Variants in ATG9B observed in about 807,000 individuals in gnomAD.
ATG9B encodes the protein autophagy-related protein 9B.
A neutral mutation model predicts 92.9 loss-of-function variants in ATG9B; 92 were observed. The ratio of observed to expected loss-of-function variants is 0.99; its 90% CI spans 0.84 to 1.18. The LOEUF is 1.18. Ranked by LOEUF, ATG9B falls within the 50% of genes most tolerant of loss-of-function variation. ATG9B has a pLI of 0.00. For synonymous variants in ATG9B, 599 were observed against 551.4 expected (o/e 1.09, Z -1.21); for missense variants, 1,344 against 1,235.0 (o/e 1.09, Z -1.32).
In ATG9B at chr7:151,019,297, C is replaced by A. The variant is rs1406520020; in HGVS notation, c.1041G>T (p.Val347=). The part of the protein sequence containing the change: ...LALQRSGGLC[V]QPRPLTELDI... ...CCAGCTCCGTCAGGGGCCGCGGCTG[C>A]ACGCACAGGCCCCCGCTCCGCTGCA... is the stretch of plus-strand genomic sequence containing the variant. The change falls in exon 6 of 14, where the codon GTG becomes GTT. Residue 347 remains valine (V), a synonymous_variant. Transcript: ENST00000639579. The A allele has an allele frequency of 1.3e-6, 2 of 1,589,374 alleles. No homozygotes were observed.
In ATG9B at chr7:151,018,618, A is replaced by T; in HGVS notation, c.1718+2T>A. 6.2e-7 allele frequency: 1 copy of T among 1,601,378 alleles called. No homozygotes were observed. On this transcript the variant is annotated splice_donor_variant, in intron 6 of 13. Coordinates refer to ENST00000639579, the MANE Select transcript of ATG9B (RefSeq NM_001317056.2). LOFTEE classifies it high-confidence loss of function. The surrounding 1 kb of genome is among the most constrained non-coding windows in gnomAD (Gnocchi z 4.7). ...CACCACCCCGGGCATCTGCCGTCGC[A>T]CCTGGCGACGGTGGCGGTGACCCCG...
chr7:151,015,975 G>GA lies in ATG9B; in HGVS notation c.2695_2696insT (p.Ala899ValfsTer20), dbSNP rs1795464143. ...AAACCCTCCGGGGAACAGATTCCGG[G>GA]CCTTCTGGGTTCCCCACTGTTGTCT... On this transcript the variant is annotated frameshift_variant, in exon 13 of 14. Transcript: ENST00000639579. LOFTEE classifies it high-confidence loss of function. 1 of 1,551,524 alleles carries GA rather than the reference G, an allele frequency of 6.4e-7. No homozygotes were observed. Among genetic ancestry groups the GA allele is most frequent in the African/African-American group, 1.4e-5 (1 of 73,048 alleles).
At position 151,018,470 on chromosome 7, in the gene ATG9B, G is replaced by T; in HGVS notation, c.1719-23C>A. On this transcript the variant is annotated intron_variant, in intron 6 of 13. Coordinates refer to ENST00000639579, the MANE Select transcript of ATG9B (RefSeq NM_001317056.2). This position sits in a 1 kb window ranked among gnomAD's most constrained non-coding sequence, Gnocchi z 4.7. ...GACCTGAAAGGCGGGATCCGTGGGGGGAAGGGGCCTGCGATTAGGAGGACG... is the reference window on the plus strand; with the variant it reads ...GACCTGAAAGGCGGGATCCGTGGGGTGAAGGGGCCTGCGATTAGGAGGACG... 1 of 1,521,158 alleles carries T rather than the reference G, an allele frequency of 6.6e-7. No individual in the cohort carries two copies. The allele number at this position is 1,521,158 out of a possible 1,614,324, so 94.2% of individuals were successfully genotyped here.
intron 4 of ATG9B, among the ~76,000 whole-genome samples, chr7:151,021,928 T>C (rs925292470): frequency 1.3e-5 from 2 of 151,322 alleles, no homozygotes; most frequent in Admixed American, 6.6e-5. Flanking sequence ...AGATTACAGG[T>C]GTGAGCCACC....
At chr7:151,013,148 G>A, downstream of ATG9B, 3 of 1,473,728 alleles carry the variant, frequency 2.0e-6, no homozygotes, top group Non-Finnish European at 2.8e-6. Flanking sequence ...GGGCTGCCAG[G>A]CTGGGCGACG....
downstream of ATG9B, chr7:151,013,870 GGGCGACATGGAGCTGGACGAGGCC>G (rs1280950763): frequency 3.7e-6 from 6 of 1,603,228 alleles, no homozygotes; most frequent in African/African-American, 4.0e-5. Context: ...TGGCGACGGA[GGGCGACATGGAGCTGGACGAGGCC>G]GGCGACGTCA....
chr7:151,022,941 T>G, intron 4 of ATG9B, 104 bp downstream of exon 4: 3 of 1,479,084 alleles, frequency 2.0e-6, no homozygotes, highest in Non-Finnish European at 2.8e-6. Flanking sequence ...ACCAAAAGCT[T>G]TGAGAACTGC....
downstream of ATG9B, chr7:151,012,796 T>C (rs1384365960): frequency 3.0e-6 from 1 of 334,420 alleles, no homozygotes; most frequent in Non-Finnish European, 5.6e-6. Context: ...GACCGAGGTC[T>C]GTCCAAGACC....
rs1379926933 is a variant in ATG9B, at chr7:151,019,319, T to C, written c.1019A>G (p.Gln340Arg). The C allele has an allele frequency of 6.3e-7, 1 of 1,575,890 alleles. No individual in the cohort carries two copies. The highest frequency in any genetic ancestry group is 1.7e-5 in the Admixed American group (1 of 57,640). The change falls in exon 6 of 14, where the codon CAG becomes CGG. Residue 340 changes from glutamine (Q) to arginine (R), a missense_variant. Transcript: ENST00000639579. ...AEVQSRLLAL[Q>R]RSGGLCVQPR... is the part of the protein sequence containing the mutation. Reference sequence around the variant, plus strand: ...CTGCACGCACAGGCCCCCGCTCCGCTGCAGTGCCAAGAGGCGGGACTGCAC... The same window carrying C: ...CTGCACGCACAGGCCCCCGCTCCGCCGCAGTGCCAAGAGGCGGGACTGCAC...
Position 151,023,338 on chromosome 7 carries a change from C to T in ATG9B, c.659+107G>A, listed in dbSNP as rs953583874. 10 of 1,596,622 alleles carry T rather than the reference C, an allele frequency of 6.3e-6. No homozygotes were observed. The East Asian group carries it at 1.1e-4, about 18-fold the overall frequency. On this transcript the variant is annotated intron_variant, in intron 3 of 13. Transcript: ENST00000639579. ...GCCCCTGCTGAGCCCTTGGGCTGCTCGGGAAAGCATGGGATGGAAGCAGCT... is the reference window on the plus strand; with the variant it reads ...GCCCCTGCTGAGCCCTTGGGCTGCTTGGGAAAGCATGGGATGGAAGCAGCT...
In ATG9B at chr7:151,024,283, C is replaced by G; in HGVS notation, c.141G>C (p.Arg47Ser). 7.0e-7 allele frequency: 1 copy of G among 1,425,496 alleles called. No homozygotes were observed. The allele number at this position is 1,425,496 out of a possible 1,614,324, so 88.3% of individuals were successfully genotyped here. ...PPSCRGPGGG[R>S]ISIFSLSPAP... ...CAGGGGACAGAGAGAAGATGGAGAT[C>G]CTCCCTCCCCCAGGTCCCCGGCATG... The change falls in exon 1 of 14, where the codon AGG (arginine) becomes AGC (serine). Residue 47 changes from arginine to serine, a missense_variant. Arg to Ser is a moderately radical substitution (Grantham distance 110, BLOSUM62 -1). Transcript: ENST00000639579.
In ATG9B at chr7:151,016,772, C is replaced by G; in HGVS notation, c.2339G>C (p.Arg780Thr). The G allele has an allele frequency of 6.2e-7, 1 of 1,612,844 alleles. No homozygotes were observed. The highest frequency in any genetic ancestry group is 8.5e-7 in the Non-Finnish European group (1 of 1,179,650). Residue 780 changes from arginine to threonine, a missense_variant, in exon 10 of 14, where the codon AGA becomes ACA. Transcript: ENST00000639579. ...NLFVHPLLPP[R>T]DLSPTAPCPA... ...ACAGGGGGCTGTCGGGCTCAGATCT[C>G]TCGGAGGCAGGAGAGGGTGCACGAA...
Position 151,019,368 on chromosome 7 carries a change from G to T in ATG9B, c.970C>A (p.Leu324Met). ...REALHIPPEELSSVPWAEVQS... is the reference protein window; with the variant it reads ...REALHIPPEEMSSVPWAEVQS... Reference sequence around the variant, plus strand: ...ACCTCTGCCCAGGGAACCGAGCTCAGCTCCTCCTGAAAGGGGCACTGATGA... The same window carrying T: ...ACCTCTGCCCAGGGAACCGAGCTCATCTCCTCCTGAAAGGGGCACTGATGA... The change falls in exon 6 of 14, where the codon CTG becomes ATG. Residue 324 changes from leucine (L) to methionine (M), a missense_variant. Transcript: ENST00000639579. 6.6e-7 allele frequency: 1 copy of T among 1,518,906 alleles called. No homozygotes were observed. The highest frequency in any genetic ancestry group is 1.4e-5 in the African/African-American group (1 of 72,306). The allele number at this position is 1,518,906 out of a possible 1,614,324, so 94.1% of individuals were successfully genotyped here. A position where few individuals can be genotyped will look rare whatever the true frequency, so the allele number is the denominator to read the frequency against.
Position 151,016,253 on chromosome 7 carries a change from G to A in ATG9B, c.2521-18C>T. The A allele has an allele frequency of 6.7e-7, 1 of 1,485,898 alleles. No homozygotes were observed. The highest frequency in any genetic ancestry group is 1.4e-5 in the African/African-American group (1 of 71,336). 92.0% of individuals were successfully genotyped at this position (1,485,898 alleles called of 1,614,324 possible). A position where few individuals can be genotyped will look rare whatever the true frequency, so the allele number is the denominator to read the frequency against. On this transcript the variant is annotated intron_variant, in intron 11 of 13. Transcript: ENST00000639579. ...TGGTGAAGCTGCATGGAAAGGAGGA[G>A]GAATGAGGGCTGCACCCCAAGGAGG... is the stretch of plus-strand genomic sequence containing the variant.
chr7:151,012,873 A>C, downstream of ATG9B: 1 of 346,120 alleles, frequency 2.9e-6, no homozygotes, highest in South Asian at 4.6e-5. Context: ...TCAAAAGAAG[A>C]GGGCTGTGAC....
chr7:151,018,415 C>G lies in ATG9B; in HGVS notation c.1751G>C (p.Arg584Pro), dbSNP rs1309704685. 3 of 1,550,344 alleles carry G rather than the reference C, an allele frequency of 1.9e-6. No homozygotes were observed. The highest frequency in any genetic ancestry group is 1.4e-5 in the African/African-American group (1 of 72,946). ...SFIPEEQCQG[R>P]APQLLLQTAL... Reference sequence around the variant, plus strand: ...TGTCTGCAGCAGGAGCTGCGGCGCACGACCCTGGCACTGCTCTTCCGGAAT... The same window carrying G: ...TGTCTGCAGCAGGAGCTGCGGCGCAGGACCCTGGCACTGCTCTTCCGGAAT... Residue 584 changes from arginine (R) to proline (P), a missense_variant, in exon 7 of 14, where the codon CGT (arginine) becomes CCT (proline). Arg to Pro is a moderately radical substitution (Grantham distance 103). Transcript: ENST00000639579. This position sits in a 1 kb window ranked among gnomAD's most constrained non-coding sequence, Gnocchi z 4.7.
In ATG9B at chr7:151,016,677, C is replaced by T. The variant is rs1795503148; in HGVS notation, c.2423+11G>A. The T allele has an allele frequency of 1.3e-6, 2 of 1,570,864 alleles. No individual in the cohort carries two copies. The highest frequency in any genetic ancestry group is 2.4e-5 in the East Asian group (1 of 42,334). Reference sequence around the variant, plus strand: ...TCCACATGCCCCTGCATCTCAGCCTCCACTCCTCACCTGGGGTCCTGGGCA... The same window carrying T: ...TCCACATGCCCCTGCATCTCAGCCTTCACTCCTCACCTGGGGTCCTGGGCA... On this transcript the variant is annotated intron_variant, in intron 10 of 13. Coordinates refer to ENST00000639579, the MANE Select transcript of ATG9B (RefSeq NM_001317056.2).
intron 5 of ATG9B, chr7:151,020,173 A>G (rs1450978443): frequency 6.6e-6 from 1 of 152,566 alleles, no homozygotes. Flanking sequence ...CTGTCACCAG[A>G]AGCCTTCCCA....
chr7:151,013,859 C>A, downstream of ATG9B: 1 of 1,604,358 alleles, frequency 6.2e-7, no homozygotes. Context: ...GCAGCGCATC[C>A]TGGCGACGGA....
Sources: allele counts gnomAD v4.1 joint callset (sites outside exome capture counted in the v4.1 genomes callset), GRCh38; gene constraint gnomAD v4.1.1; non-coding constraint Gnocchi (gnomAD v3.1); transcripts MANE v1.5; gene names NCBI Gene and HGNC (gene_info 2026-07-23, HGNC 2026-07-21).